The following ADD2 variants were observed in gnomAD, a reference collection of about 807,000 sequenced individuals.
The protein encoded by ADD2 is adducin 2.
A neutral mutation model predicts 83.0 loss-of-function variants in ADD2; 23 were observed. The observed-to-expected ratio is 0.28, with a 90% confidence interval of 0.20 to 0.39. The LOEUF is 0.39. ADD2 is among the 10% of genes least tolerant of loss of function. The pLI, the probability that ADD2 is intolerant of heterozygous loss-of-function variation, is 1.00. For synonymous variants in ADD2, 375 were observed against 375.4 expected (o/e 1.00, Z 0.01); for missense variants, 758 against 944.9 (o/e 0.80, Z 2.59).
chr2:70,709,489 A>G (rs1169610553), intron 2 of ADD2, among the ~76,000 whole-genome samples: 1 of 152,180 alleles, frequency 6.6e-6, no homozygotes, highest in Non-Finnish European at 1.5e-5. Context: ...TGAGCTCTAG[A>G]CTAGAAGTCA....
intron 1 of ADD2, among the ~76,000 whole-genome samples, chr2:70,757,407 G>A (rs950665816): frequency 2.6e-5 from 4 of 152,020 alleles, no homozygotes; most frequent in African/African-American, 7.2e-5. Flanking sequence ...GACAGGAGAC[G>A]AATAAAGAAA....
intron 1 of ADD2, among the ~76,000 whole-genome samples, chr2:70,748,592 AACGTGTGACCACAGAAGTGATC>A (rs1454400197): frequency 2.6e-5 from 4 of 152,154 alleles, no homozygotes; most frequent in Non-Finnish European, 4.4e-5. Flanking sequence ...TGGTGATTAG[AACGTGTGACCACAGAAGTGATC>A]ACTGAAAACC....
chr2:70,728,636 T>A (rs139346575), intron 1 of ADD2, among the ~76,000 whole-genome samples: 1 of 152,360 alleles, frequency 6.6e-6, no homozygotes, highest in East Asian at 1.9e-4. Context: ...ATTGCCCTTT[T>A]GCGAGTTATT....
intron 15 of ADD2, among the ~76,000 whole-genome samples, chr2:70,664,619 C>T (rs947242965): frequency 2.6e-5 from 4 of 152,212 alleles, no homozygotes; most frequent in South Asian, 4.1e-4. Flanking sequence ...GAACACAGTA[C>T]CATGGTGGGC....
chr2:70,762,899 T>G (rs1472697066), intron 1 of ADD2, among the ~76,000 whole-genome samples: 1 of 151,598 alleles, frequency 6.6e-6, no homozygotes, highest in Non-Finnish European at 1.5e-5. Flanking sequence ...AGAGACGAGG[T>G]TTCACCATGT....
At chr2:70,688,167 C>G (rs1383866229) in intron 8 of ADD2, 45 bp from the exon 9 acceptor site, 1 of 1,534,828 alleles carries the variant, frequency 6.5e-7, no homozygotes, top group African/African-American at 1.4e-5. Context: ...GTCCTCTAAA[C>G]TTTAGTTAAG....
Position 70,706,535 on chromosome 2 carries a change from T to A in ADD2, c.-34-93A>T. 8.6e-7 allele frequency: 1 copy of A among 1,168,750 alleles called. No homozygotes were observed. The highest frequency in any genetic ancestry group is 1.5e-5 in the African/African-American group (1 of 65,450). The allele number at this position is 1,168,750 out of a possible 1,614,324, so 72.4% of individuals were successfully genotyped here. On this transcript the variant is annotated intron_variant, in intron 2 of 15. Coordinates refer to ENST00000264436, the MANE Select transcript of ADD2 (RefSeq NM_001617.4). This position sits in a 1 kb window ranked among gnomAD's most constrained non-coding sequence, Gnocchi z 5.0. Reference sequence around the variant, plus strand: ...CACAGGGCTAGGTTCAGTTGGATTCTCAGTGGGGTACGGCTGTTCCTAGGA... The same window carrying A: ...CACAGGGCTAGGTTCAGTTGGATTCACAGTGGGGTACGGCTGTTCCTAGGA...
intron 2 of ADD2, among the ~76,000 whole-genome samples, chr2:70,712,480 C>A (rs1672245139): frequency 6.7e-6 from 1 of 148,220 alleles, no homozygotes; most frequent in Admixed American, 6.7e-5. Flanking sequence ...AAAAAAGAAA[C>A]TGAATCACAA....
At chr2:70,757,361 A>G (rs1553384049) in intron 1 of ADD2, among the ~76,000 whole-genome samples, 2 of 152,108 alleles carry the variant, frequency 1.3e-5, no homozygotes, top group East Asian at 3.9e-4. Flanking sequence ...TTCATTAAGT[A>G]TGAACAAGTG....
At chr2:70,683,024 T>C (rs1200838782) in intron 10 of ADD2, among the ~76,000 whole-genome samples, 1 of 141,472 alleles carries the variant, frequency 7.1e-6, no homozygotes, top group Non-Finnish European at 1.5e-5. Flanking sequence ...AGTATGACCT[T>C]TTTTTTTTTT....
At chr2:70,691,773 A>G (rs1247138996) in intron 7 of ADD2, 2 of 152,212 alleles carry the variant, frequency 1.3e-5, no homozygotes, top group African/African-American at 2.4e-5. Flanking sequence ...TTTTGCTGAG[A>G]AAACGGGCTG....
At chr2:70,766,100 C>T (rs1553385965) in intron 1 of ADD2, among the ~76,000 whole-genome samples, 1 of 152,090 alleles carries the variant, frequency 6.6e-6, no homozygotes, top group East Asian at 1.9e-4. Context: ...CATATCATGT[C>T]AGGCATTGTT....
intron 15 of ADD2, among the ~76,000 whole-genome samples, chr2:70,667,393 G>T (rs1669680932): frequency 6.6e-6 from 1 of 152,152 alleles, no homozygotes. Context: ...GCTGCTAGAG[G>T]CTGGAGGAGG....
At chr2:70,737,661 G>A (rs898036646) in intron 1 of ADD2, among the ~76,000 whole-genome samples, 9 of 151,812 alleles carry the variant, frequency 5.9e-5, no homozygotes, top group African/African-American at 9.7e-5. Context: ...CCAACATGGC[G>A]CATGTATACA....
chr2:70,704,263 T>TGGCCCCCCCCCCCCCCCCCCCCCC, intron 4 of ADD2, 58 bp downstream of exon 4: 57 of 913,200 alleles, frequency 6.2e-5, no homozygotes, highest in Middle Eastern at 2.9e-4. Flanking sequence ...CTCCCTCTCT[T>TGGCCCCCCCCCCCCCCCCCCCCCC]CCCCACCCCA....
chr2:70,740,610 T>C (rs1383143660), intron 1 of ADD2, among the ~76,000 whole-genome samples: 25 of 148,018 alleles, frequency 1.7e-4, no homozygotes, highest in African/African-American at 6.2e-4. Context: ...AGAGTTTTTG[T>C]TGTCTTGTTT....
chr2:70,727,756 C>T (rs1312912178), intron 1 of ADD2, among the ~76,000 whole-genome samples: 2 of 151,952 alleles, frequency 1.3e-5, no homozygotes, highest in Non-Finnish European at 1.5e-5. Context: ...GTTAGCTGGG[C>T]GTGGTGATGC....
intron 7 of ADD2, chr2:70,691,578 G>A (rs1447642133): frequency 6.6e-6 from 1 of 152,016 alleles, no homozygotes; most frequent in Non-Finnish European, 1.5e-5. Flanking sequence ...TGGACAGAGT[G>A]TGCAATAATT....
At chr2:70,751,865 G>T (rs1457439597) in intron 1 of ADD2, among the ~76,000 whole-genome samples, 1 of 152,130 alleles carries the variant, frequency 6.6e-6, no homozygotes, top group Non-Finnish European at 1.5e-5. Flanking sequence ...AACACATCTT[G>T]GAGCTTGAAG....
Sources: allele counts gnomAD v4.1 joint callset (sites outside exome capture counted in the v4.1 genomes callset), GRCh38; gene constraint gnomAD v4.1.1; non-coding constraint Gnocchi (gnomAD v3.1); transcripts MANE v1.5; gene names NCBI Gene and HGNC (gene_info 2026-07-23, HGNC 2026-07-21).